ATP2A2: variants seen among roughly 807,000 people sequenced by gnomAD.
ATP2A2 encodes sarcoplasmic/endoplasmic reticulum calcium ATPase 2.
In ATP2A2, 14 loss-of-function variants were observed where a neutral mutation model predicts 109.3. The observed-to-expected ratio is 0.13, with a 90% CI of 0.08 to 0.20. ATP2A2 has a LOEUF of 0.20. Ranked by LOEUF, ATP2A2 falls within the 10% of genes least tolerant of loss-of-function variation. The pLI is 1.00. For synonymous variants in ATP2A2, 506 were observed against 490.9 expected (o/e 1.03, Z -0.41); for missense variants, 657 against 1,321.6 (o/e 0.50, Z 7.80).
rs1409180616 is a variant in ATP2A2 at position 110,349,321 on chromosome 12, G to A, written c.*2851G>A. 2.0e-6 allele frequency: 2 copies of A among 985,154 alleles called. No individual in the cohort carries two copies. Among genetic ancestry groups the A allele is most frequent in the Non-Finnish European group, 2.4e-6 (2 of 829,982 alleles). 61.0% of individuals were successfully genotyped at this position (985,154 alleles called of 1,614,324 possible). On this transcript the variant is annotated 3_prime_UTR_variant, in exon 20 of 20. Transcript: ENST00000539276. ...CAGCCCCGCAATGTGCCTGCTGTCA[G>A]GCAGCTCTTGCCTGAAACTTACTTC...
intron 18 of ATP2A2, 116 bp downstream of exon 18, chr12:110,345,498 A>G: frequency 1.3e-6 from 2 of 1,483,094 alleles, no homozygotes; most frequent in Non-Finnish European, 1.9e-6. Context: ...TTCCCAAAAG[A>G]AAGGAGAACA....
chr12:110,338,025 G>C (rs915819456), intron 11 of ATP2A2, among the ~76,000 whole-genome samples: 1 of 152,140 alleles, frequency 6.6e-6, no homozygotes, highest in African/African-American at 2.4e-5. Context: ...GCTGTCACTC[G>C]CTCCCTCTTT....
Position 110,340,582 on chromosome 12 carries a change from T to C in ATP2A2, c.1762-77T>C. 1 of 1,476,248 alleles carries C rather than the reference T, an allele frequency of 6.8e-7. No individual in the cohort carries two copies. Among genetic ancestry groups the C allele is most frequent in the Non-Finnish European group, 9.4e-7 (1 of 1,066,332 alleles). 91.4% of individuals were successfully genotyped at this position (1,476,248 alleles called of 1,614,324 possible). A position where few individuals can be genotyped will look rare whatever the true frequency, so the allele number is the denominator to read the frequency against. ...AAAATGCAGAAACCTGTCTCAATGT[T>C]TAACTGGGCATTTTTCAAACTAGGG... On this transcript the variant is annotated intron_variant, in intron 13 of 19. Transcript: ENST00000539276. This position sits in a 1 kb window ranked among gnomAD's most constrained non-coding sequence, Gnocchi z 6.0.
intron 8 of ATP2A2, among the ~76,000 whole-genome samples, chr12:110,328,774 A>G (rs980046849): frequency 1.3e-5 from 2 of 151,994 alleles, no homozygotes; most frequent in Admixed American, 6.6e-5. Flanking sequence ...TCACTATGTC[A>G]CCAGGCTGGT....
chr12:110,326,076 G>A, intron 6 of ATP2A2: 4 of 402,816 alleles, frequency 9.9e-6, no homozygotes, highest in Non-Finnish European at 9.4e-6. Context: ...CAGTATCAGA[G>A]TATAAAATGA....
At chr12:110,284,633 TTAAA>T (rs1872490623) in intron 3 of ATP2A2, among the ~76,000 whole-genome samples, 1 of 152,230 alleles carries the variant, frequency 6.6e-6, no homozygotes, top group African/African-American at 2.4e-5. Context: ...AAGCAGGTTT[TTAAA>T]TAAATGCTTT....
chr12:110,284,251 C>CA (rs1872445566), intron 3 of ATP2A2, among the ~76,000 whole-genome samples: 1 of 152,258 alleles, frequency 6.6e-6, no homozygotes, highest in Admixed American at 6.5e-5. Context: ...TATAGTTTAT[C>CA]AATACATTGT....
chr12:110,301,441 G>C (rs1393646217), intron 5 of ATP2A2, among the ~76,000 whole-genome samples: 1 of 152,144 alleles, frequency 6.6e-6, no homozygotes, highest in Non-Finnish European at 1.5e-5. Flanking sequence ...TTAACTGTGA[G>C]AAACTTGGAA....
intron 18 of ATP2A2, 105 bp downstream of exon 18, chr12:110,345,487 C>T: frequency 2.6e-6 from 4 of 1,531,388 alleles, no homozygotes; most frequent in Admixed American, 1.7e-5. Context: ...CAGTTCTTCC[C>T]TTCCCAAAAG....
chr12:110,348,536 A>G lies in ATP2A2; in HGVS notation c.*2066A>G. ...TGCTGAGTTCAGAGGGCCCACGTTC[A>G]AGGGATGGAGGTGGAACCTGGAGAC... On this transcript the variant is annotated 3_prime_UTR_variant, in exon 20 of 20. Coordinates refer to ENST00000539276, the MANE Select transcript of ATP2A2 (RefSeq NM_170665.4). The G allele has an allele frequency of 7.1e-6, 7 of 985,550 alleles. No individual in the cohort carries two copies. Among genetic ancestry groups the G allele is most frequent in the Non-Finnish European group, 7.2e-6 (6 of 830,056 alleles). 61.1% of individuals were successfully genotyped at this position (985,550 alleles called of 1,614,324 possible).
intron 5 of ATP2A2, among the ~76,000 whole-genome samples, chr12:110,297,962 G>A (rs1487435618): frequency 6.6e-6 from 1 of 152,046 alleles, no homozygotes; most frequent in Non-Finnish European, 1.5e-5. Flanking sequence ...GGATAGTCTA[G>A]GTGGGTTGTT....
In ATP2A2 at chr12:110,342,580, C is replaced by T; in HGVS notation, c.2318+132C>T. Reference sequence around the variant, plus strand: ...GCCTGAGTTGGAAGAGGGGAGTGGGCAAGACAGAAATGCCTTATGGAAGCA... The same window carrying T: ...GCCTGAGTTGGAAGAGGGGAGTGGGTAAGACAGAAATGCCTTATGGAAGCA... On this transcript the variant is annotated intron_variant, in intron 15 of 19. Coordinates refer to ENST00000539276, the MANE Select transcript of ATP2A2 (RefSeq NM_170665.4). This position sits in a 1 kb window ranked among gnomAD's most constrained non-coding sequence, Gnocchi z 4.6. 2 of 1,102,316 alleles carry T rather than the reference C, an allele frequency of 1.8e-6. No homozygotes were observed. Among genetic ancestry groups the T allele is most frequent in the Non-Finnish European group, 2.7e-6 (2 of 745,226 alleles). The allele number at this position is 1,102,316 out of a possible 1,614,324, so 68.3% of individuals were successfully genotyped here.
chr12:110,314,726 A>T (rs972012045), intron 5 of ATP2A2, among the ~76,000 whole-genome samples: 18 of 152,232 alleles, frequency 1.2e-4, no homozygotes, highest in Non-Finnish European at 2.4e-4. Context: ...TCTAGAAATA[A>T]TAGTCTCAAA....
At chr12:110,289,349 G>C (rs1359049796) in intron 3 of ATP2A2, among the ~76,000 whole-genome samples, 1 of 152,166 alleles carries the variant, frequency 6.6e-6, no homozygotes, top group Non-Finnish European at 1.5e-5. Flanking sequence ...TCTAGTATCA[G>C]AGCAGCTGTG....
At position 110,281,591 on chromosome 12, in the gene ATP2A2, C is replaced by G. The variant is rs1872088320; in HGVS notation, c.-199C>G. The G allele has an allele frequency of 5.6e-6, 2 of 354,772 alleles. No individual in the cohort carries two copies. Among genetic ancestry groups the G allele is most frequent in the Non-Finnish European group, 1.0e-5 (2 of 196,924 alleles). The allele number at this position is 354,772 out of a possible 1,614,324, so 22.0% of individuals were successfully genotyped here. A position where few individuals can be genotyped will look rare whatever the true frequency, so the allele number is the denominator to read the frequency against. ...CCAACCCGCCCTGCGGAGCTCGGGGCCGCGCGAGGGGCGGTTGTCTGGGGG... is the reference window on the plus strand; with the variant it reads ...CCAACCCGCCCTGCGGAGCTCGGGGGCGCGCGAGGGGCGGTTGTCTGGGGG... On this transcript the variant is annotated 5_prime_UTR_variant, in exon 1 of 20. Transcript: ENST00000539276.
chr12:110,335,804 C>T (rs745640403), intron 11 of ATP2A2, among the ~76,000 whole-genome samples: 6 of 152,190 alleles, frequency 3.9e-5, no homozygotes, highest in African/African-American at 1.2e-4. Context: ...AGCTTAGGGA[C>T]GTAAGTCAGG....
chr12:110,307,375 GCA>G (rs1303246444), intron 5 of ATP2A2, among the ~76,000 whole-genome samples: 1 of 151,806 alleles, frequency 6.6e-6, no homozygotes, highest in Non-Finnish European at 1.5e-5. Context: ...GGGACTGTAG[GCA>G]CACACCACTA....
At chr12:110,313,953 A>T (rs1876384443) in intron 5 of ATP2A2, among the ~76,000 whole-genome samples, 2 of 150,948 alleles carry the variant, frequency 1.3e-5, no homozygotes, top group South Asian at 4.2e-4. Context: ...ACCTCAAGAG[A>T]TCCACCCACC....
chr12:110,333,081 A>C, intron 9 of ATP2A2, 100 bp from the exon 10 acceptor site: 2 of 1,060,366 alleles, frequency 1.9e-6, no homozygotes, highest in Non-Finnish European at 2.9e-6. Flanking sequence ...TGTCCCAGAA[A>C]TTCTGTTTTC....
Sources: gnomAD v4.1 joint callset for allele counts (sites outside exome capture counted in the v4.1 genomes callset) on GRCh38, gnomAD v4.1.1 for gene constraint, Gnocchi (gnomAD v3.1) non-coding constraint, MANE v1.5 for transcripts, NCBI Gene and HGNC (gene_info 2026-07-23, HGNC 2026-07-21) for gene names.